Variants in DENND1B observed in about 807,000 individuals in gnomAD.
DENND1B encodes the protein DENN domain containing 1B.
Under a neutral mutation model 90.1 loss-of-function variants are expected in DENND1B, and 59 were observed. That is an observed-to-expected ratio of 0.65 (90% CI 0.53 to 0.81). The LOEUF (loss-of-function observed/expected upper bound fraction) is 0.81. DENND1B is among the 40% of genes least tolerant of loss of function. DENND1B has a pLI of 0.00. For synonymous variants in DENND1B, 337 were observed against 324.6 expected, an observed-to-expected ratio of 1.04 and a Z score of -0.41; for missense variants, 862 against 912.6, an observed-to-expected ratio of 0.94 and a Z score of 0.71.
At chr1:197,692,822 T>A (rs1446723637) in intron 3 of DENND1B, among the ~76,000 whole-genome samples, 2 of 151,706 alleles carry the variant, frequency 1.3e-5, no homozygotes, top group Non-Finnish European at 3.0e-5. Context: ...AAAGCAGTTG[T>A]TCTTGGAGAT....
At chr1:197,614,000 C>T (rs1237638711) in intron 11 of DENND1B, among the ~76,000 whole-genome samples, 1 of 149,282 alleles carries the variant, frequency 6.7e-6, no homozygotes, top group Non-Finnish European at 1.5e-5. Context: ...AAACAGACTG[C>T]TAAATAACCT....
chr1:197,505,381 T>C lies in DENND1B; in HGVS notation c.*5079A>G, dbSNP rs1667682529. The C allele has an allele frequency of 1.3e-5, 2 of 151,664 alleles. No homozygotes were observed. Among genetic ancestry groups the C allele is most frequent in the Non-Finnish European group, 3.0e-5 (2 of 67,770 alleles). The allele number at this position is 151,664 out of a possible 1,614,324, so 9.4% of individuals were successfully genotyped here. On this transcript the variant is annotated 3_prime_UTR_variant, in exon 23 of 23. Coordinates refer to ENST00000620048, the MANE Select transcript of DENND1B (RefSeq NM_001195215.2). The stretch of plus-strand genomic sequence containing the variant: ...TAATGGACCTCAACAAGGCTCACAT[T>C]TGAGAAATGAAATAACAGAGATGAA...
chr1:197,771,309 T>A (rs753393981), intron 2 of DENND1B, among the ~76,000 whole-genome samples: 1 of 152,216 alleles, frequency 6.6e-6, no homozygotes, highest in Non-Finnish European at 1.5e-5. Context: ...CACTATAGAA[T>A]AGAATTAAAT....
rs903528562 is a variant in DENND1B at position 197,507,192 on chromosome 1, A to C, written c.*3268T>G. 1 of 117,324 alleles carries C rather than the reference A, an allele frequency of 8.5e-6. No individual in the cohort carries two copies. The highest frequency in any genetic ancestry group is 3.0e-5 in the African/African-American group (1 of 33,874). 7.3% of individuals were successfully genotyped at this position (117,324 alleles called of 1,614,324 possible). On this transcript the variant is annotated 3_prime_UTR_variant, in exon 23 of 23. Transcript: ENST00000620048. ...TATTATTATTATTATTATTATTATT[A>C]TTTTAATAAAAATTTGCAATTCCTT...
At chr1:197,782,083 G>A in the DENND1B span, among the ~76,000 whole-genome samples, 1 of 152,150 alleles carries the variant, frequency 6.6e-6, no homozygotes, top group African/African-American at 2.4e-5. Flanking sequence ...TCAGAACAAA[G>A]AATAATTGAA....
chr1:197,575,579 T>C (rs1009631495), intron 15 of DENND1B, among the ~76,000 whole-genome samples: 2 of 152,232 alleles, frequency 1.3e-5, no homozygotes, highest in Non-Finnish European at 2.9e-5. Flanking sequence ...ATCCCATTAC[T>C]GGGTATTTAC....
upstream of DENND1B, among the ~76,000 whole-genome samples, chr1:197,778,462 G>A (rs1378429183): frequency 1.3e-5 from 2 of 152,050 alleles, no homozygotes; most frequent in Non-Finnish European, 2.9e-5. Flanking sequence ...ATTAGTTGAG[G>A]CCAGGAGTTC....
intron 2 of DENND1B, among the ~76,000 whole-genome samples, chr1:197,718,713 T>G (rs1425608853): frequency 6.6e-6 from 1 of 152,074 alleles, no homozygotes; most frequent in Non-Finnish European, 1.5e-5. Flanking sequence ...AAGAATAATC[T>G]GGGCCATAAA....
intron 7 of DENND1B, among the ~76,000 whole-genome samples, chr1:197,650,563 C>T (rs139196114): frequency 3.9e-5 from 6 of 152,200 alleles, no homozygotes; most frequent in Non-Finnish European, 8.8e-5. Flanking sequence ...CATACTTGCA[C>T]ACACACGTTT....
intron 3 of DENND1B, among the ~76,000 whole-genome samples, chr1:197,678,601 A>G (rs571323929): frequency 1.3e-5 from 2 of 152,324 alleles, no homozygotes; most frequent in South Asian, 4.1e-4. Flanking sequence ...CACCACAGCA[A>G]ACTCTCAGGG....
At chr1:197,756,689 A>G (rs904047567) in intron 2 of DENND1B, among the ~76,000 whole-genome samples, 1 of 151,732 alleles carries the variant, frequency 6.6e-6, no homozygotes, top group African/African-American at 2.4e-5. Context: ...TGGGTCACTA[A>G]TAATAAACTA....
At chr1:197,552,543 TCA>T in intron 16 of DENND1B, 1 of 985,620 alleles carries the variant, frequency 1.0e-6, no homozygotes, top group Non-Finnish European at 1.2e-6. Context: ...ATCTATAAAG[TCA>T]AAAAGGTAAA....
chr1:197,633,586 T>C (rs548456433), intron 10 of DENND1B, among the ~76,000 whole-genome samples: 4 of 152,272 alleles, frequency 2.6e-5, no homozygotes, highest in African/African-American at 7.2e-5. Flanking sequence ...CCATTTCCTA[T>C]AGCACAGGTG....
chr1:197,700,684 A>G (rs1000674170), intron 3 of DENND1B, among the ~76,000 whole-genome samples: 44 of 152,208 alleles, frequency 2.9e-4, no homozygotes, highest in African/African-American at 1.1e-3. Flanking sequence ...AATTTTTGCA[A>G]TCCACCTATC....
intron 2 of DENND1B, among the ~76,000 whole-genome samples, chr1:197,769,703 G>C (rs1192365825): frequency 1.3e-5 from 2 of 151,724 alleles, no homozygotes; most frequent in African/African-American, 4.8e-5. Flanking sequence ...TATACATTTT[G>C]TTTTCCAATC....
intron 18 of DENND1B, among the ~76,000 whole-genome samples, chr1:197,544,718 G>T (rs1163209095): frequency 6.7e-6 from 1 of 149,644 alleles, no homozygotes; most frequent in Non-Finnish European, 1.5e-5. Flanking sequence ...AGAGGAAGAG[G>T]AAGAAGAGGA....
intron 2 of DENND1B, among the ~76,000 whole-genome samples, chr1:197,769,568 GT>G (rs1310027031): frequency 1.3e-5 from 2 of 152,164 alleles, no homozygotes; most frequent in African/African-American, 4.8e-5. Context: ...GCACCTGGAT[GT>G]TTGACGACTT....
chr1:197,514,471 C>A (rs1305405336), intron 20 of DENND1B, among the ~76,000 whole-genome samples: 1 of 151,566 alleles, frequency 6.6e-6, no homozygotes, highest in Admixed American at 6.6e-5. Context: ...TTGAAATACA[C>A]CATGATTATG....
chr1:197,655,209 A>T (rs905960013), intron 6 of DENND1B, among the ~76,000 whole-genome samples: 1 of 152,226 alleles, frequency 6.6e-6, no homozygotes, highest in South Asian at 2.1e-4. Context: ...AATCCAGTGA[A>T]CAAAAAAGTC....
Sources: gnomAD v4.1 joint callset for allele counts (sites outside exome capture counted in the v4.1 genomes callset) on GRCh38, gnomAD v4.1.1 for gene constraint, MANE v1.5 for transcripts, NCBI Gene and HGNC (gene_info 2026-07-23, HGNC 2026-07-21) for gene names.